The following FAM135B variants were observed in gnomAD, a reference collection of about 807,000 sequenced individuals.
FAM135B encodes the protein family with sequence similarity 135 member B.
FAM135B carries 43 observed loss-of-function variants against 127.7 expected under a neutral mutation model. That is an observed-to-expected ratio of 0.34 (90% CI 0.26 to 0.43). The LOEUF (loss-of-function observed/expected upper bound fraction) is 0.43. FAM135B is among the 20% of genes least tolerant of loss of function. The probability of loss-of-function intolerance (pLI) is 1.00; values close to 1 mark genes in which losing one functional copy is unlikely to be tolerated. For synonymous variants in FAM135B, 670 were observed against 665.1 expected (o/e 1.01, Z -0.11); for missense variants, 1,558 against 1,725.6 (o/e 0.90, Z 1.72).
intron 9 of FAM135B, among the ~76,000 whole-genome samples, chr8:138,181,900 C>T (rs1395119102): frequency 6.7e-6 from 1 of 150,074 alleles, no homozygotes; most frequent in Admixed American, 6.6e-5. Flanking sequence ...TCCTACATCC[C>T]CTGCATTTTG....
At chr8:138,295,005 C>G (rs12679329) in intron 3 of FAM135B, among the ~76,000 whole-genome samples, 2 of 151,522 alleles carry the variant, frequency 1.3e-5, no homozygotes, top group Admixed American at 6.6e-5. Context: ...AGAGTCTGTT[C>G]TCAATGAAGG....
chr8:138,155,195 A>G (rs1402826983), intron 12 of FAM135B, among the ~76,000 whole-genome samples: 2 of 152,228 alleles, frequency 1.3e-5, no homozygotes, highest in African/African-American at 4.8e-5. Context: ...CAGCCAAAGT[A>G]AGCTTCATAA....
intron 6 of FAM135B, among the ~76,000 whole-genome samples, chr8:138,247,057 G>C (rs572571600): frequency 6.6e-6 from 1 of 152,282 alleles, no homozygotes; most frequent in East Asian, 1.9e-4. Flanking sequence ...CCCAATGCCT[G>C]TACCCCCAAT....
chr8:138,192,533 T>C (rs1358234696), intron 9 of FAM135B, among the ~76,000 whole-genome samples: 1 of 152,116 alleles, frequency 6.6e-6, no homozygotes, highest in Non-Finnish European at 1.5e-5. Context: ...CTAAGATCAG[T>C]GCTCGAGATA....
intron 12 of FAM135B, among the ~76,000 whole-genome samples, chr8:138,157,996 T>C (rs1818943336): frequency 6.6e-6 from 1 of 152,152 alleles, no homozygotes; most frequent in African/African-American, 2.4e-5. Flanking sequence ...GCCAAGTCAA[T>C]CCTAAGACAA....
At chr8:138,206,430 GCTCTATCATCCCCTCCATCTACA>G (rs1817620883) in intron 7 of FAM135B, among the ~76,000 whole-genome samples, 3 of 20,360 alleles carry the variant, frequency 1.5e-4, no homozygotes, top group Admixed American at 5.1e-4. Context: ...CCTACACACA[GCTCTATCATCCCCTCCATCTACA>G]CACAACTCCA....
intron 1 of FAM135B, among the ~76,000 whole-genome samples, chr8:138,416,837 G>A (rs768686392): frequency 6.6e-6 from 1 of 152,108 alleles, no homozygotes; most frequent in Non-Finnish European, 1.5e-5. Flanking sequence ...GCTAAAAGGG[G>A]AGGAAGGTAG....
At chr8:138,221,780 T>A (rs1819040487) in intron 7 of FAM135B, among the ~76,000 whole-genome samples, 1 of 152,128 alleles carries the variant, frequency 6.6e-6, no homozygotes, top group East Asian at 1.9e-4. Flanking sequence ...TTTGGAAAGA[T>A]CAGATTCCAA....
At chr8:138,458,275 GC>G (rs542841229) in intron 1 of FAM135B, among the ~76,000 whole-genome samples, 48 of 152,248 alleles carry the variant, frequency 3.2e-4, no homozygotes, top group African/African-American at 1.1e-3. Flanking sequence ...TACCTTCAAA[GC>G]CTTAAGAGTT....
intron 7 of FAM135B, among the ~76,000 whole-genome samples, chr8:138,208,487 T>C (rs961935331): frequency 1.9e-4 from 29 of 152,340 alleles, no homozygotes; most frequent in African/African-American, 6.0e-4. Flanking sequence ...TTTATCAGCA[T>C]TTTTAAAAAA....
At chr8:138,306,656 C>A (rs1487697299) in intron 3 of FAM135B, among the ~76,000 whole-genome samples, 2 of 150,842 alleles carry the variant, frequency 1.3e-5, no homozygotes, top group African/African-American at 2.4e-5. Flanking sequence ...GATCTCTGCT[C>A]ACTGCAACCT....
chr8:138,143,896 T>C (rs923201914), intron 15 of FAM135B, among the ~76,000 whole-genome samples: 1 of 152,154 alleles, frequency 6.6e-6, no homozygotes, highest in Non-Finnish European at 1.5e-5. Flanking sequence ...TGTTGGAGGA[T>C]AGGAGTGGTG....
chr8:138,292,801 A>G (rs1165368397), intron 3 of FAM135B, among the ~76,000 whole-genome samples: 7 of 152,134 alleles, frequency 4.6e-5, no homozygotes, highest in African/African-American at 7.2e-5. Flanking sequence ...GACCATTTCA[A>G]TATTTGAAAA....
At chr8:138,191,556 T>C (rs2131082002) in intron 9 of FAM135B, among the ~76,000 whole-genome samples, 1 of 152,268 alleles carries the variant, frequency 6.6e-6, no homozygotes, top group South Asian at 2.1e-4. Context: ...ATCACCTCCC[T>C]AGGCTATGTG....
intron 7 of FAM135B, among the ~76,000 whole-genome samples, chr8:138,226,188 C>CGCGCGCGT (rs1368197806): frequency 9.8e-5 from 8 of 81,850 alleles, no homozygotes; most frequent in Admixed American, 8.4e-4. Flanking sequence ...TGTGTGTGCG[C>CGCGCGCGT]GCATGTCATT....
intron 2 of FAM135B, among the ~76,000 whole-genome samples, chr8:138,314,000 G>C (rs539817924): frequency 1.3e-5 from 2 of 152,060 alleles, no homozygotes; most frequent in East Asian, 3.9e-4. Context: ...TGTACTCTTT[G>C]CTTTTTGTTG....
chr8:138,308,623 G>T (rs1587037799), intron 3 of FAM135B, among the ~76,000 whole-genome samples: 1 of 85,770 alleles, frequency 1.2e-5, no homozygotes, highest in African/African-American at 4.2e-5. Flanking sequence ...TACTAGAAAA[G>T]AAAATAGTTT....
At chr8:138,369,782 C>T (rs1400950713) in intron 1 of FAM135B, among the ~76,000 whole-genome samples, 3 of 152,162 alleles carry the variant, frequency 2.0e-5, no homozygotes, top group African/African-American at 4.8e-5. Context: ...TTCATAATCA[C>T]ATTAAACATC....
At chr8:138,237,194 T>C (rs1041257772) in intron 7 of FAM135B, among the ~76,000 whole-genome samples, 1 of 140,730 alleles carries the variant, frequency 7.1e-6, no homozygotes, top group Non-Finnish European at 1.5e-5. Flanking sequence ...AGAGTTTCAC[T>C]CTGTCACCCA....
Sources: allele counts gnomAD v4.1 joint callset (sites outside exome capture counted in the v4.1 genomes callset), GRCh38; gene constraint gnomAD v4.1.1; transcripts MANE v1.5; gene names NCBI Gene and HGNC (gene_info 2026-07-23, HGNC 2026-07-21).